Variants in CHIC2 observed in about 807,000 individuals in gnomAD.
The protein encoded by CHIC2 is cysteine-rich hydrophobic domain-containing protein 2.
In CHIC2, 14 loss-of-function variants were observed where a neutral mutation model predicts 25.9. The ratio of observed to expected loss-of-function variants is 0.54; its 90% confidence interval spans 0.36 to 0.85. CHIC2 has a LOEUF of 0.85. Among genes scored for constraint, CHIC2 ranks in the 40% least tolerant of loss-of-function variants. The pLI, the probability that CHIC2 is intolerant of heterozygous loss-of-function variation, is 0.01. For missense variants in CHIC2, 146 were observed against 202.0 expected (o/e 0.72, Z 1.68); for synonymous variants, 70 against 72.0 (o/e 0.97, Z 0.14).
At chr4:54,024,989 G>A (rs768168793) in intron 3 of CHIC2, among the ~76,000 whole-genome samples, 7 of 151,866 alleles carry the variant, frequency 4.6e-5, no homozygotes, top group South Asian at 2.1e-4. Context: ...CCCTAATCCC[G>A]TTCAAAGCAG....
intron 3 of CHIC2, among the ~76,000 whole-genome samples, chr4:54,038,282 A>AC (rs1298266770): frequency 4.6e-5 from 7 of 152,340 alleles, no homozygotes; most frequent in Non-Finnish European, 7.4e-5. Flanking sequence ...AGGTTGAAGG[A>AC]CATGACGTTA....
At chr4:54,026,663 T>G (rs750218858) in intron 3 of CHIC2, among the ~76,000 whole-genome samples, 10 of 152,370 alleles carry the variant, frequency 6.6e-5, no homozygotes, top group South Asian at 2.1e-4. Flanking sequence ...AATAAATCTT[T>G]ATACACCTCC....
At chr4:54,023,620 TTTA>T (rs1208871464) in intron 3 of CHIC2, among the ~76,000 whole-genome samples, 1 of 152,106 alleles carries the variant, frequency 6.6e-6, no homozygotes, top group African/African-American at 2.4e-5. Context: ...TCACACTCAG[TTTA>T]TTGATGGCAG....
At chr4:54,059,945 A>G (rs1016849050) in intron 1 of CHIC2, 14 of 152,260 alleles carry the variant, frequency 9.2e-5, no homozygotes, top group African/African-American at 3.4e-4. Flanking sequence ...CTTAATCTTT[A>G]GAAATAAATA....
chr4:54,010,266 T>A, intron 5 of CHIC2, 121 bp from the exon 6 acceptor site: 1 of 640,522 alleles, frequency 1.6e-6, no homozygotes, highest in Non-Finnish European at 2.8e-6. Flanking sequence ...CAACTTTGCA[T>A]TACTAAAACA....
chr4:54,090,369 G>T, the CHIC2 span, among the ~76,000 whole-genome samples: 1 of 152,062 alleles, frequency 6.6e-6, no homozygotes, highest in Admixed American at 6.6e-5. Context: ...ATTTTTAGTA[G>T]AGATGGGGTT....
intron 3 of CHIC2, among the ~76,000 whole-genome samples, chr4:54,028,647 G>A (rs190011450): frequency 7.4e-4 from 113 of 152,158 alleles, no homozygotes; most frequent in Non-Finnish European, 1.3e-3. Context: ...GCTAATAGCC[G>A]GTATACAATA....
At chr4:54,037,931 GA>G (rs1410818881) in intron 3 of CHIC2, among the ~76,000 whole-genome samples, 1 of 150,916 alleles carries the variant, frequency 6.6e-6, no homozygotes, top group Non-Finnish European at 1.5e-5. Flanking sequence ...GCTTATACAA[GA>G]AAAAAAGAAA....
the CHIC2 span, among the ~76,000 whole-genome samples, chr4:54,078,183 C>A: frequency 6.6e-6 from 1 of 152,138 alleles, no homozygotes; most frequent in African/African-American, 2.4e-5. Context: ...TAGCTCAGGA[C>A]CCTACCCTCA....
At chr4:54,090,947 A>G in the CHIC2 span, among the ~76,000 whole-genome samples, 2 of 152,026 alleles carry the variant, frequency 1.3e-5, no homozygotes, top group Admixed American at 6.6e-5. Flanking sequence ...TTACACATTA[A>G]TAAAAGGCCC....
the CHIC2 span, chr4:54,087,086 A>T: frequency 1.9e-6 from 2 of 1,037,480 alleles, no homozygotes; most frequent in Non-Finnish European, 3.0e-6. Flanking sequence ...CACCTCTCTC[A>T]GGAAGATGTG....
chr4:54,080,327 G>A, the CHIC2 span, among the ~76,000 whole-genome samples: 9 of 151,912 alleles, frequency 5.9e-5, no homozygotes, highest in Non-Finnish European at 1.3e-4. Flanking sequence ...CTTATAGGTG[G>A]AATCTAAAAA....
rs189862694 is a variant in CHIC2 at position 54,017,489 on chromosome 4, G to T, written c.331-3370C>A. On this transcript the variant is annotated intron_variant, in intron 3 of 5. Coordinates refer to ENST00000263921, the MANE Select transcript of CHIC2 (RefSeq NM_012110.4). ...ATTTAGCTGAAAGAACAGGGGAAGGGGCAGTGCAGGCTTTAGTGTAAGCTT... is the reference window on the plus strand; with the variant it reads ...ATTTAGCTGAAAGAACAGGGGAAGGTGCAGTGCAGGCTTTAGTGTAAGCTT... 1.7e-4 allele frequency among the ~76,000 whole-genome samples: 26 copies of T among 152,206 alleles called. No individual in the cohort carries two copies. The East Asian group carries it at 4.8e-3, about 28-fold the overall frequency.
In CHIC2 at chr4:54,062,356, T is replaced by A. The variant is rs529622815; in HGVS notation, c.119+1826A>T. Among the ~76,000 whole-genome samples the A allele has an allele frequency of 9.4e-4, 141 of 150,330 alleles. 1 individual carries two copies. The highest frequency in any genetic ancestry group is 3.5e-3 in the African/African-American group (138 of 39,762). Reference sequence around the variant, plus strand: ...TTATTTATTTATTTATTTATTTATTTATTATTTTAACTGTCCACTCCTAGG... The same window carrying A: ...TTATTTATTTATTTATTTATTTATTAATTATTTTAACTGTCCACTCCTAGG... On this transcript the variant is annotated intron_variant, in intron 1 of 5. Transcript: ENST00000263921.
chr4:54,079,841 A>G, the CHIC2 span, among the ~76,000 whole-genome samples: 3 of 152,106 alleles, frequency 2.0e-5, no homozygotes, highest in African/African-American at 7.2e-5. Flanking sequence ...TCCAAAAGAT[A>G]AAAGATGAGT....
chr4:54,056,629 C>CT (rs1267785836), intron 1 of CHIC2, among the ~76,000 whole-genome samples: 3 of 152,208 alleles, frequency 2.0e-5, no homozygotes, highest in East Asian at 1.9e-4. Flanking sequence ...AGTACATTCA[C>CT]TTTTTTTATC....
At chr4:54,019,849 G>A (rs1298211293) in intron 3 of CHIC2, among the ~76,000 whole-genome samples, 1 of 151,834 alleles carries the variant, frequency 6.6e-6, no homozygotes, top group African/African-American at 2.4e-5. Context: ...CAGGGTGCAG[G>A]AAGGGTCTCC....
At chr4:54,014,157 G>C (rs1451019508) in intron 3 of CHIC2, 38 bp from the exon 4 acceptor site, 1 of 1,598,408 alleles carries the variant, frequency 6.3e-7, no homozygotes, top group South Asian at 1.1e-5. Context: ...CTCTTGACTG[G>C]TTTTAGAAAA....
At chr4:54,090,849 G>A in the CHIC2 span, among the ~76,000 whole-genome samples, 3 of 151,978 alleles carry the variant, frequency 2.0e-5, no homozygotes, top group African/African-American at 4.8e-5. Flanking sequence ...GTCTTATTAC[G>A]ATCAGTGTTT....
Sources: gnomAD v4.1 joint callset for allele counts (sites outside exome capture counted in the v4.1 genomes callset) on GRCh38, gnomAD v4.1.1 for gene constraint, MANE v1.5 for transcripts, NCBI Gene and HGNC (gene_info 2026-07-23, HGNC 2026-07-21) for gene names.